Variants in PSTPIP1 observed in about 807,000 individuals in gnomAD.
PSTPIP1 encodes the protein proline-serine-threonine phosphatase-interacting protein 1.
Under a neutral mutation model 69.6 loss-of-function variants are expected in PSTPIP1, and 66 were observed. That is an observed-to-expected ratio of 0.95 (90% CI 0.78 to 1.16). The LOEUF (loss-of-function observed/expected upper bound fraction) is 1.16. Among genes scored for constraint, PSTPIP1 ranks in the 50% most tolerant of loss-of-function variants. The probability of loss-of-function intolerance (pLI) is 0.00; values close to 1 mark genes in which losing one functional copy is unlikely to be tolerated. For missense variants in PSTPIP1, 603 were observed against 557.4 expected, an observed-to-expected ratio of 1.08 and a Z score of -0.82; for synonymous variants, 266 against 222.7, an observed-to-expected ratio of 1.19 and a Z score of -1.73.
In PSTPIP1 at chr15:77,035,876, C is replaced by T; in HGVS notation, c.1060C>T (p.Gln354Ter). The change falls in exon 14 of 15, where the codon CAG (glutamine) becomes TAG (stop). Residue 354 changes from glutamine to a stop codon, truncating the protein, a stop_gained. Transcript: ENST00000558012. LOFTEE classifies it high-confidence loss of function. ...CACAGCCATCGCAGTGCAGGAGATACAGGGAAACCCGGCCTCACCAGCCCA... is the reference window on the plus strand; with the variant it reads ...CACAGCCATCGCAGTGCAGGAGATATAGGGAAACCCGGCCTCACCAGCCCA... ...VYTAIAVQEI[Q>*]GNPASPAQEY... 1 of 1,610,664 alleles carries T rather than the reference C, an allele frequency of 6.2e-7. No individual in the cohort carries two copies. Among genetic ancestry groups the T allele is most frequent in the South Asian group, 1.1e-5 (1 of 90,986 alleles).
chr15:76,995,294 G>A lies in PSTPIP1; in HGVS notation c.-280G>A, dbSNP rs978289959. The A allele has an allele frequency of 2.4e-5, 33 of 1,359,060 alleles. No individual in the cohort carries two copies. Among genetic ancestry groups the A allele is most frequent in the Non-Finnish European group, 3.0e-5 (32 of 1,051,318 alleles). 84.2% of individuals were successfully genotyped at this position (1,359,060 alleles called of 1,614,324 possible). A position where few individuals can be genotyped will look rare whatever the true frequency, so the allele number is the denominator to read the frequency against. On this transcript the variant is annotated 5_prime_UTR_variant, in exon 1 of 15. Transcript: ENST00000558012. ...TCCATCACCGCAGGGTCGGTGAGGG[G>A]CTGGGCTGGACACCAGGGCCCGCCC...
At position 77,037,380 on chromosome 15, in the gene PSTPIP1, G is replaced by A. The variant is rs1057077458; in HGVS notation, c.*204G>A. On this transcript the variant is annotated 3_prime_UTR_variant, in exon 15 of 15. Coordinates refer to ENST00000558012, the MANE Select transcript of PSTPIP1 (RefSeq NM_003978.5). Reference sequence around the variant, plus strand: ...CTCTTTTTCTCCTGCTCCAGTGTCCGAGTGCTCAGTTCAGAGGAGGCAAAG... The same window carrying A: ...CTCTTTTTCTCCTGCTCCAGTGTCCAAGTGCTCAGTTCAGAGGAGGCAAAG... The A allele has an allele frequency of 1.0e-4, 61 of 612,038 alleles. No individual in the cohort carries two copies. Among genetic ancestry groups the A allele is most frequent in the Middle Eastern group, 1.0e-3 (2 of 1,970 alleles). 37.9% of individuals were successfully genotyped at this position (612,038 alleles called of 1,614,324 possible).
At chr15:77,003,571 G>A (rs531154096) in intron 1 of PSTPIP1, among the ~76,000 whole-genome samples, 1 of 151,902 alleles carries the variant, frequency 6.6e-6, no homozygotes, top group Non-Finnish European at 1.5e-5. Context: ...CAGGAGAATC[G>A]CTTGAACCCA....
intron 1 of PSTPIP1, among the ~76,000 whole-genome samples, chr15:77,010,972 T>C (rs957708377): frequency 2.0e-5 from 3 of 152,086 alleles, no homozygotes; most frequent in Non-Finnish European, 4.4e-5. Context: ...CATGTTTTGG[T>C]TTCATGACAC....
At chr15:77,028,737 G>C (rs1397149400) in intron 7 of PSTPIP1, 85 bp downstream of exon 7, 1 of 1,146,894 alleles carries the variant, frequency 8.7e-7, no homozygotes, top group African/African-American at 1.6e-5. Flanking sequence ...GACACCCCCA[G>C]GCAAGATCTG....
At position 77,037,197 on chromosome 15, in the gene PSTPIP1, C is replaced by A; in HGVS notation, c.*21C>A. 1 of 1,573,786 alleles carries A rather than the reference C, an allele frequency of 6.4e-7. No homozygotes were observed. The highest frequency in any genetic ancestry group is 8.6e-7 in the Non-Finnish European group (1 of 1,161,716). Reference sequence around the variant, plus strand: ...TTTGAGGAAGGGCCAGGAGCCCCTTCGGACCTGCCCTGCCAGTGGAGCCAG... The same window carrying A: ...TTTGAGGAAGGGCCAGGAGCCCCTTAGGACCTGCCCTGCCAGTGGAGCCAG... On this transcript the variant is annotated 3_prime_UTR_variant, in exon 15 of 15. Transcript: ENST00000558012.
chr15:77,036,331 T>C (rs1329617684), intron 14 of PSTPIP1, among the ~76,000 whole-genome samples: 1 of 152,120 alleles, frequency 6.6e-6, no homozygotes, highest in Non-Finnish European at 1.5e-5. Flanking sequence ...TGCCTGCAGG[T>C]CATAGCTTGA....
intron 1 of PSTPIP1, chr15:77,008,009 A>G: frequency 2.2e-6 from 1 of 456,484 alleles, no homozygotes; most frequent in South Asian, 1.6e-5. Flanking sequence ...TCTCCTAGGC[A>G]TCAGGACATC....
intron 12 of PSTPIP1, among the ~76,000 whole-genome samples, chr15:77,035,064 C>T (rs2076523760): frequency 6.6e-6 from 1 of 152,230 alleles, no homozygotes; most frequent in African/African-American, 2.4e-5. Flanking sequence ...GGCAGTGCAC[C>T]CCCCACCCCT....
intron 3 of PSTPIP1, among the ~76,000 whole-genome samples, chr15:77,018,896 A>G (rs918333396): frequency 6.6e-6 from 1 of 152,170 alleles, no homozygotes; most frequent in South Asian, 2.1e-4. Flanking sequence ...ATGGGCTTCA[A>G]GGATGGAGAT....
At chr15:77,018,374 ACT>A in intron 2 of PSTPIP1, 81 bp from the exon 3 acceptor site, 1 of 1,539,152 alleles carries the variant, frequency 6.5e-7, no homozygotes, top group Non-Finnish European at 8.8e-7. Flanking sequence ...GCTTTAAAAA[ACT>A]CTTCTGTGTT....
At chr15:77,026,616 C>T (rs573863923) in intron 5 of PSTPIP1, among the ~76,000 whole-genome samples, 2 of 152,368 alleles carry the variant, frequency 1.3e-5, no homozygotes, top group South Asian at 4.1e-4. Context: ...TCTCCACAGA[C>T]AGGGCTCCAG....
chr15:77,028,209 T>C (rs1352341574), intron 6 of PSTPIP1: 1 of 513,312 alleles, frequency 1.9e-6, no homozygotes, highest in Non-Finnish European at 3.5e-6. Flanking sequence ...AGCTTGATCC[T>C]GCGAGACGCT....
intron 1 of PSTPIP1, among the ~76,000 whole-genome samples, chr15:77,003,220 C>T (rs1244456997): frequency 2.0e-5 from 3 of 152,100 alleles, no homozygotes; most frequent in Non-Finnish European, 4.4e-5. Flanking sequence ...GCCTGGCTGA[C>T]GCTGCAAACC....
At chr15:76,997,156 T>C (rs2075598578) in intron 1 of PSTPIP1, among the ~76,000 whole-genome samples, 1 of 152,242 alleles carries the variant, frequency 6.6e-6, no homozygotes, top group Admixed American at 6.5e-5. Context: ...AGCCAGCCCC[T>C]GTGGAGCTTC....
At chr15:77,016,230 G>A (rs367777204) in intron 1 of PSTPIP1, among the ~76,000 whole-genome samples, 75 of 152,326 alleles carry the variant, frequency 4.9e-4, no homozygotes, top group African/African-American at 1.6e-3. Flanking sequence ...GCCGCACAAG[G>A]TGGTTCCCAG....
intron 1 of PSTPIP1, among the ~76,000 whole-genome samples, chr15:76,999,066 G>T (rs2075641867): frequency 6.6e-6 from 1 of 152,168 alleles, no homozygotes; most frequent in African/African-American, 2.4e-5. Flanking sequence ...GCGCTGGGAA[G>T]CCCAGAGAAG....
chr15:77,034,722 C>A (rs2076512491), intron 12 of PSTPIP1, among the ~76,000 whole-genome samples: 1 of 152,226 alleles, frequency 6.6e-6, no homozygotes, highest in South Asian at 2.1e-4. Flanking sequence ...AAGACTCAGC[C>A]CCACCCCACT....
At chr15:77,032,454 G>T in intron 11 of PSTPIP1, 60 bp downstream of exon 11, 2 of 1,562,846 alleles carry the variant, frequency 1.3e-6, no homozygotes, top group South Asian at 1.1e-5. Flanking sequence ...GGGAAGGCCC[G>T]GCCCTGAGCC....
Sources: allele counts gnomAD v4.1 joint callset (sites outside exome capture counted in the v4.1 genomes callset), GRCh38; gene constraint gnomAD v4.1.1; transcripts MANE v1.5; gene names NCBI Gene and HGNC (gene_info 2026-07-23, HGNC 2026-07-21).